The following PPFIBP2 variants were observed in gnomAD, a reference collection of about 807,000 sequenced individuals.
PPFIBP2 encodes liprin-beta-2.
PPFIBP2 carries 118 observed loss-of-function variants against 118.3 expected under a neutral mutation model. That is an observed-to-expected ratio of 1.00 (90% CI 0.86 to 1.16). The LOEUF (loss-of-function observed/expected upper bound fraction) is 1.16. Among genes scored for constraint, PPFIBP2 ranks in the 50% most tolerant of loss-of-function variants. The pLI, the probability that PPFIBP2 is intolerant of heterozygous loss-of-function variation, is 0.00. For missense variants in PPFIBP2, 1,195 were observed against 1,073.1 expected, an observed-to-expected ratio of 1.11 and a Z score of -1.59; for synonymous variants, 414 against 397.4, an observed-to-expected ratio of 1.04 and a Z score of -0.50.
intron 20 of PPFIBP2, 39 bp downstream of exon 20, chr11:7,649,274 G>A (rs1377844063): frequency 6.4e-7 from 1 of 1,555,330 alleles, no homozygotes; most frequent in Non-Finnish European, 8.9e-7. Context: ...TTGTCCCTGT[G>A]AGCACTCAGC....
chr11:7,562,990 CAT>C (rs1554953455), intron 2 of PPFIBP2, among the ~76,000 whole-genome samples: 1 of 137,768 alleles, frequency 7.3e-6, no homozygotes, highest in Admixed American at 7.8e-5. Flanking sequence ...CGCACACACA[CAT>C]ATGCCTGTAA....
Position 7,607,494 on chromosome 11 carries a change from A to G in PPFIBP2, c.487-2797A>G, listed in dbSNP as rs925579183. Among the ~76,000 whole-genome samples, 6 of 152,244 alleles carry G rather than the reference A, an allele frequency of 3.9e-5. No individual in the cohort carries two copies. The Middle Eastern group carries it at 0.01, about 259-fold the overall frequency. On this transcript the variant is annotated intron_variant, in intron 5 of 23. Coordinates refer to ENST00000299492, the MANE Select transcript of PPFIBP2 (RefSeq NM_003621.5). ...ACCTCAGCCTCCCAAAGTGCTAGGC[A>G]TGAGCCACTGTGCCCAGGCTGAGCA...
chr11:7,562,932 TATATATA>T (rs1854472639), intron 2 of PPFIBP2, among the ~76,000 whole-genome samples: 1 of 3,634 alleles, frequency 2.8e-4, no homozygotes, highest in East Asian at 8.8e-3. Flanking sequence ...TAAAGTTTTA[TATATATA>T]TATATATATA....
At chr11:7,625,362 T>G (rs1849851996) in intron 7 of PPFIBP2, among the ~76,000 whole-genome samples, 1 of 152,196 alleles carries the variant, frequency 6.6e-6, no homozygotes, top group African/African-American at 2.4e-5. Flanking sequence ...GCACTTGTTA[T>G]AGTGGTGTCT....
intron 2 of PPFIBP2, among the ~76,000 whole-genome samples, chr11:7,562,933 A>ATATATATT (rs1746906150): frequency 1.3e-4 from 1 of 7,578 alleles, no homozygotes; most frequent in Admixed American, 8.2e-4. Context: ...AAAGTTTTAT[A>ATATATATT]TATATATATA....
Position 7,639,790 on chromosome 11 carries a change from C to T in PPFIBP2, c.1295C>T (p.Ala432Val), listed in dbSNP as rs867224434. ...YPTLPGKLSG[A>V]TPNGEAAKSP... is the part of the protein sequence containing the mutation. ...ACTTTACCTGGGAAGCTTTCAGGAG[C>T]CACGCCCAATGGAGAGGCTGCCAAA... is the stretch of plus-strand genomic sequence containing the variant. Residue 432 changes from alanine to valine, a missense_variant, in exon 15 of 24, where the codon GCC (alanine) becomes GTC (valine). Physicochemically the swap from Ala to Val is moderately conservative, Grantham distance 64 (BLOSUM62 0). Coordinates refer to ENST00000299492, the MANE Select transcript of PPFIBP2 (RefSeq NM_003621.5). 1.9e-6 allele frequency: 3 copies of T among 1,614,034 alleles called. No homozygotes were observed. Among genetic ancestry groups the T allele is most frequent in the African/African-American group, 2.7e-5 (2 of 74,934 alleles).
chr11:7,664,156 C>G, the PPFIBP2 span, among the ~76,000 whole-genome samples: 1 of 152,168 alleles, frequency 6.6e-6, no homozygotes, highest in Non-Finnish European at 1.5e-5. Flanking sequence ...CCTATTCGGC[C>G]GTCTTGGCTC....
downstream of PPFIBP2, among the ~76,000 whole-genome samples, chr11:7,661,066 C>G (rs543858280): frequency 6.6e-6 from 1 of 151,864 alleles, no homozygotes; most frequent in Non-Finnish European, 1.5e-5. Context: ...TGCTAGCAGT[C>G]TATCAATTTT....
intron 2 of PPFIBP2, among the ~76,000 whole-genome samples, chr11:7,562,830 T>C (rs1178689851): frequency 1.3e-5 from 2 of 151,190 alleles, no homozygotes; most frequent in African/African-American, 4.9e-5. Context: ...AGGGACAAAA[T>C]ATTTATCTTT....
At chr11:7,534,755 C>T (rs1041481175) in intron 1 of PPFIBP2, among the ~76,000 whole-genome samples, 1 of 152,206 alleles carries the variant, frequency 6.6e-6, no homozygotes, top group African/African-American at 2.4e-5. Flanking sequence ...CACTGACCAA[C>T]CTGACAAGGC....
rs545862349 is a variant in PPFIBP2, at chr11:7,535,473, A to T, written c.-36-13967A>T. On this transcript the variant is annotated intron_variant, in intron 1 of 23. Coordinates refer to ENST00000299492, the MANE Select transcript of PPFIBP2 (RefSeq NM_003621.5). The stretch of plus-strand genomic sequence containing the variant: ...TTGGAGTTGGACTGCCTGAATTCAA[A>T]TCTTATCTTTACTGCTTCCTGGATG... 6.5e-4 allele frequency among the ~76,000 whole-genome samples: 99 copies of T among 152,314 alleles called. 1 individual carries two copies. The South Asian group carries it at 0.02, about 30-fold the overall frequency.
chr11:7,554,094 C>T (rs1293575599), intron 2 of PPFIBP2, among the ~76,000 whole-genome samples: 1 of 152,138 alleles, frequency 6.6e-6, no homozygotes, highest in Non-Finnish European at 1.5e-5. Flanking sequence ...TTAAATCTTC[C>T]TCTCTTTATT....
chr11:7,590,968 G>A (rs979314094), intron 3 of PPFIBP2, among the ~76,000 whole-genome samples: 95 of 152,218 alleles, frequency 6.2e-4, no homozygotes, highest in African/African-American at 2.1e-3. Context: ...ACTGATCTGC[G>A]GATCCTGTTA....
chr11:7,544,747 C>G (rs1852144522), intron 1 of PPFIBP2, among the ~76,000 whole-genome samples: 2 of 146,328 alleles, frequency 1.4e-5, no homozygotes, highest in African/African-American at 5.2e-5. Context: ...GCACTCCAGC[C>G]TGGGCAACAG....
intron 5 of PPFIBP2, chr11:7,597,962 C>T (rs957752447): frequency 9.3e-6 from 3 of 321,224 alleles, no homozygotes; most frequent in Non-Finnish European, 1.7e-5. Context: ...TGAGGGAGCG[C>T]TCGGCTGGGG....
intron 5 of PPFIBP2, chr11:7,606,006 T>C: frequency 1.3e-6 from 2 of 1,534,712 alleles, no homozygotes; most frequent in Non-Finnish European, 1.7e-6. Context: ...GGAGACGGAG[T>C]GCGCCTAAAG....
intron 1 of PPFIBP2, among the ~76,000 whole-genome samples, chr11:7,536,040 C>T (rs974354795): frequency 3.3e-5 from 5 of 152,208 alleles, no homozygotes; most frequent in Non-Finnish European, 5.9e-5. Flanking sequence ...CGAGTCTAAG[C>T]GCTTTACTCT....
At chr11:7,651,868 T>C (rs11041498) in intron 23 of PPFIBP2, 24 bp downstream of exon 23, 656,971 of 1,590,810 alleles carry the variant, frequency 0.41, 138,758 homozygotes, top group South Asian at 0.45. Flanking sequence ...CCTTTCTGGG[T>C]GGGCCCTGGG....
intron 8 of PPFIBP2, among the ~76,000 whole-genome samples, chr11:7,627,107 C>T (rs1850124202): frequency 2.0e-5 from 3 of 152,268 alleles, no homozygotes; most frequent in African/African-American, 4.8e-5. Flanking sequence ...CCCAGTCTAC[C>T]CCTCCTCTTC....
Sources: gnomAD v4.1 joint callset for allele counts (sites outside exome capture counted in the v4.1 genomes callset) on GRCh38, gnomAD v4.1.1 for gene constraint, MANE v1.5 for transcripts, NCBI Gene and HGNC (gene_info 2026-07-23, HGNC 2026-07-21) for gene names.